The following ZDHHC14 variants were observed in gnomAD, a reference collection of about 807,000 sequenced individuals.
ZDHHC14 encodes zDHHC palmitoyltransferase 14, also known as palmitoyltransferase ZDHHC14.
In ZDHHC14, 16 loss-of-function variants were observed where a neutral mutation model predicts 47.7. That is an observed-to-expected ratio of 0.34 (90% CI 0.23 to 0.51). The LOEUF (loss-of-function observed/expected upper bound fraction) is 0.51, where lower values mean the gene tolerates loss of function less well. ZDHHC14 is among the 20% of genes least tolerant of loss of function. The pLI is 0.97. For synonymous variants in ZDHHC14, 293 were observed against 278.9 expected, an observed-to-expected ratio of 1.05 and a Z score of -0.50; for missense variants, 515 against 662.5, an observed-to-expected ratio of 0.78 and a Z score of 2.44.
At chr6:157,596,244 A>G (rs1158057943) in intron 3 of ZDHHC14, among the ~76,000 whole-genome samples, 1 of 152,168 alleles carries the variant, frequency 6.6e-6, no homozygotes, top group Non-Finnish European at 1.5e-5. Context: ...TGAGAAGTGT[A>G]ATTGCAGAGT....
At chr6:157,574,526 C>T (rs932277710) in intron 2 of ZDHHC14, among the ~76,000 whole-genome samples, 1 of 152,108 alleles carries the variant, frequency 6.6e-6, no homozygotes, top group Non-Finnish European at 1.5e-5. Flanking sequence ...ATGGTAGTTG[C>T]TCATGGTCAA....
intron 1 of ZDHHC14, among the ~76,000 whole-genome samples, chr6:157,473,166 G>A (rs1407728429): frequency 6.6e-6 from 1 of 152,146 alleles, no homozygotes; most frequent in East Asian, 1.9e-4. Context: ...TTTTTGGGGA[G>A]TGGGAACACT....
intron 8 of ZDHHC14, among the ~76,000 whole-genome samples, chr6:157,656,484 G>A (rs537526752): frequency 6.6e-5 from 10 of 152,042 alleles, no homozygotes; most frequent in African/African-American, 2.2e-4. Context: ...ACAGGCGCCC[G>A]CCACCACACC....
chr6:157,512,755 C>T (rs1328837414), intron 1 of ZDHHC14, among the ~76,000 whole-genome samples: 1 of 152,116 alleles, frequency 6.6e-6, no homozygotes, highest in Non-Finnish European at 1.5e-5. Flanking sequence ...AAAATATATC[C>T]GTCTTCCAGT....
chr6:157,437,789 G>A (rs1480966766), intron 1 of ZDHHC14, among the ~76,000 whole-genome samples: 2 of 152,112 alleles, frequency 1.3e-5, no homozygotes, highest in Non-Finnish European at 2.9e-5. Flanking sequence ...TATGTGTGCT[G>A]TGATTCATTC....
chr6:157,594,143 A>G (rs1784024255), intron 3 of ZDHHC14, among the ~76,000 whole-genome samples: 1 of 152,222 alleles, frequency 6.6e-6, no homozygotes, highest in South Asian at 2.1e-4. Flanking sequence ...TGTAGTCTCA[A>G]TTCTTCTTGA....
intron 3 of ZDHHC14, among the ~76,000 whole-genome samples, chr6:157,598,069 C>T (rs1297514551): frequency 1.3e-5 from 2 of 152,250 alleles, no homozygotes; most frequent in Non-Finnish European, 2.9e-5. Flanking sequence ...CCCCTTGTTG[C>T]TCTCACTGCT....
intron 1 of ZDHHC14, among the ~76,000 whole-genome samples, chr6:157,517,978 T>G (rs1189441307): frequency 6.6e-6 from 1 of 151,948 alleles, no homozygotes; most frequent in Non-Finnish European, 1.5e-5. Context: ...GTAAAAGTCA[T>G]CCTAGGATGC....
chr6:157,667,394 C>T (rs1778598847), intron 8 of ZDHHC14, among the ~76,000 whole-genome samples: 1 of 151,400 alleles, frequency 6.6e-6, no homozygotes, highest in Non-Finnish European at 1.5e-5. Flanking sequence ...AAATGAAAAG[C>T]CAGGAAGGCT....
At chr6:157,613,580 A>T (rs988490817) in intron 3 of ZDHHC14, among the ~76,000 whole-genome samples, 1 of 152,180 alleles carries the variant, frequency 6.6e-6, no homozygotes, top group Non-Finnish European at 1.5e-5. Flanking sequence ...TGGCACATTT[A>T]GCATGCCACA....
chr6:157,589,119 T>G (rs907090597), intron 2 of ZDHHC14, among the ~76,000 whole-genome samples: 3 of 151,540 alleles, frequency 2.0e-5, no homozygotes, highest in Middle Eastern at 3.2e-3. Flanking sequence ...CTTACAATCA[T>G]GGAGGAAGGA....
At chr6:157,631,155 A>C (rs1176698426) in intron 4 of ZDHHC14, 1 of 152,216 alleles carries the variant, frequency 6.6e-6, no homozygotes, top group Non-Finnish European at 1.5e-5. Context: ...GCTCGCTCAC[A>C]TACCGTTGCA....
At chr6:157,532,532 G>A (rs1265482011) in intron 1 of ZDHHC14, among the ~76,000 whole-genome samples, 2 of 152,176 alleles carry the variant, frequency 1.3e-5, no homozygotes, top group East Asian at 1.9e-4. Context: ...TCTCCAGGGG[G>A]CTTGCTGGAA....
chr6:157,493,766 C>A (rs1189270224), intron 1 of ZDHHC14, among the ~76,000 whole-genome samples: 1 of 152,266 alleles, frequency 6.6e-6, no homozygotes, highest in East Asian at 1.9e-4. Flanking sequence ...GCACCCAGGT[C>A]CGCCGTCCTG....
At chr6:157,479,293 G>C (rs1004688534) in intron 1 of ZDHHC14, among the ~76,000 whole-genome samples, 8 of 152,234 alleles carry the variant, frequency 5.3e-5, no homozygotes, top group Admixed American at 5.2e-4. Flanking sequence ...TTAGAACTGT[G>C]ATTGGCACAT....
At chr6:157,472,140 A>C (rs896311532) in intron 1 of ZDHHC14, among the ~76,000 whole-genome samples, 1 of 152,120 alleles carries the variant, frequency 6.6e-6, no homozygotes, top group African/African-American at 2.4e-5. Flanking sequence ...GTCTCCCGTC[A>C]GGATGTCCTG....
intron 1 of ZDHHC14, among the ~76,000 whole-genome samples, chr6:157,441,460 A>G (rs1033463946): frequency 3.3e-5 from 5 of 152,196 alleles, no homozygotes; most frequent in Non-Finnish European, 7.3e-5. Flanking sequence ...GAGGAAAGGA[A>G]ATTTCCTATG....
chr6:157,668,778 C>T (rs1182667436), intron 8 of ZDHHC14, among the ~76,000 whole-genome samples: 1 of 152,196 alleles, frequency 6.6e-6, no homozygotes, highest in Non-Finnish European at 1.5e-5. Context: ...ACACCTTCTT[C>T]AAGTCCTTAA....
At chr6:157,491,069 G>A (rs1779901603) in intron 1 of ZDHHC14, among the ~76,000 whole-genome samples, 2 of 152,190 alleles carry the variant, frequency 1.3e-5, no homozygotes. Context: ...GCATGGGCAA[G>A]GTGCCGTTTC....
Sources: gnomAD v4.1 joint callset for allele counts (sites outside exome capture counted in the v4.1 genomes callset) on GRCh38, gnomAD v4.1.1 for gene constraint, MANE v1.5 for transcripts, NCBI Gene and HGNC (gene_info 2026-07-23, HGNC 2026-07-21) for gene names.